The following AFF3 variants were observed in gnomAD, a reference collection of about 807,000 sequenced individuals.
AFF3 encodes the protein AF4/FMR2 family member 3.
Under a neutral mutation model 129.7 loss-of-function variants are expected in AFF3, and 32 were observed. That is an observed-to-expected ratio of 0.25 (90% CI 0.19 to 0.33). The LOEUF (loss-of-function observed/expected upper bound fraction) is 0.33. AFF3 is among the 10% of genes least tolerant of loss of function. The pLI is 1.00. For missense variants in AFF3, 1,373 were observed against 1,592.0 expected (o/e 0.86, Z 2.34); for synonymous variants, 644 against 635.4 (o/e 1.01, Z -0.20).
chr2:99,785,420 T>C (rs1460778398), intron 8 of AFF3, among the ~76,000 whole-genome samples: 1 of 152,108 alleles, frequency 6.6e-6, no homozygotes, highest in African/African-American at 2.4e-5. Flanking sequence ...TATCCAAATC[T>C]CCAAAAATTA....
chr2:100,004,144 G>A (rs1003623007), intron 7 of AFF3, among the ~76,000 whole-genome samples: 3 of 151,982 alleles, frequency 2.0e-5, no homozygotes, highest in African/African-American at 7.3e-5. Flanking sequence ...TTCACACTGT[G>A]ATAAGTCTTG....
chr2:99,980,229 G>A lies in AFF3; in HGVS notation c.873+26403C>T, dbSNP rs559440164. Among the ~76,000 whole-genome samples the A allele has an allele frequency of 1.1e-4, 16 of 152,276 alleles. No homozygotes were observed. The South Asian group carries it at 2.1e-3, about 20-fold the overall frequency. On this transcript the variant is annotated intron_variant, in intron 7 of 24. Coordinates refer to ENST00000672756, the MANE Select transcript of AFF3 (RefSeq NM_001386135.1). ...ATTTGCCTTTCCCCTGCTGTTCCTC[G>A]ATCTCTTTTCAGCCTCAAAGGCTGT...
intron 7 of AFF3, among the ~76,000 whole-genome samples, chr2:99,946,833 C>G (rs1192271553): frequency 6.6e-6 from 1 of 152,182 alleles, no homozygotes; most frequent in African/African-American, 2.4e-5. Flanking sequence ...TCTGCATCCG[C>G]AATTATATAC....
chr2:99,618,213 C>T (rs1271566459), intron 13 of AFF3, among the ~76,000 whole-genome samples: 1 of 143,082 alleles, frequency 7.0e-6, no homozygotes, highest in Admixed American at 7.1e-5. Flanking sequence ...TGAGAAAATG[C>T]TCATAACATT....
At chr2:99,766,594 T>C (rs1162630096) in intron 8 of AFF3, among the ~76,000 whole-genome samples, 1 of 152,176 alleles carries the variant, frequency 6.6e-6, no homozygotes, top group Non-Finnish European at 1.5e-5. Flanking sequence ...AAACTATCCT[T>C]AAGAATAAGA....
At chr2:100,083,947 G>A (rs537056456) in intron 4 of AFF3, among the ~76,000 whole-genome samples, 15 of 152,196 alleles carry the variant, frequency 9.9e-5, no homozygotes, top group South Asian at 2.1e-4. Flanking sequence ...GCTCAGGCTC[G>A]AGATTCCCAG....
intron 4 of AFF3, among the ~76,000 whole-genome samples, chr2:100,036,474 A>T (rs147195447): frequency 6.6e-6 from 1 of 152,336 alleles, no homozygotes; most frequent in East Asian, 1.9e-4. Context: ...CATTTAAAAA[A>T]ATGAATTCCA....
intron 7 of AFF3, among the ~76,000 whole-genome samples, chr2:99,934,415 G>C (rs1377856529): frequency 6.6e-6 from 1 of 152,148 alleles, no homozygotes; most frequent in Non-Finnish European, 1.5e-5. Flanking sequence ...CATGTATAGA[G>C]CTATAAAGGG....
rs543842992 is a variant in AFF3, at chr2:99,918,377, C to G, written c.874-80853G>C. On this transcript the variant is annotated intron_variant, in intron 7 of 24. Coordinates refer to ENST00000672756, the MANE Select transcript of AFF3 (RefSeq NM_001386135.1). ...CTTAAACTAGACTAATTCACATCACCTTCTATGTTCTTAAAAACTCTCCTA... is the reference window on the plus strand; with the variant it reads ...CTTAAACTAGACTAATTCACATCACGTTCTATGTTCTTAAAAACTCTCCTA... Among the ~76,000 whole-genome samples, 13 of 152,244 alleles carry G rather than the reference C, an allele frequency of 8.5e-5. No homozygotes were observed. The South Asian group carries it at 2.7e-3, about 32-fold the overall frequency.
intron 13 of AFF3, among the ~76,000 whole-genome samples, chr2:99,610,016 A>G (rs913129457): frequency 1.3e-5 from 2 of 152,150 alleles, no homozygotes; most frequent in African/African-American, 4.8e-5. Flanking sequence ...CGACCTCGTG[A>G]CATTCTTCTT....
At chr2:99,825,885 C>T (rs1688043987) in intron 8 of AFF3, among the ~76,000 whole-genome samples, 1 of 152,120 alleles carries the variant, frequency 6.6e-6, no homozygotes, top group Non-Finnish European at 1.5e-5. Flanking sequence ...CTTGGCAGTC[C>T]TTGGAGAGCT....
chr2:99,908,163 C>A (rs1224602917), intron 7 of AFF3, among the ~76,000 whole-genome samples: 1 of 152,178 alleles, frequency 6.6e-6, no homozygotes, highest in African/African-American at 2.4e-5. Flanking sequence ...TAGTTTTCAA[C>A]TTTTCACTCA....
intron 8 of AFF3, among the ~76,000 whole-genome samples, chr2:99,830,449 C>T (rs534357627): frequency 2.9e-4 from 44 of 152,222 alleles, no homozygotes; most frequent in Non-Finnish European, 4.7e-4. Flanking sequence ...CCTCCTGCCA[C>T]GAAGTTTAAA....
Position 99,547,751 on chromosome 2 carries a change from C to CAT in AFF3, c.*3721_*3722dup. Reference sequence around the variant, plus strand: ...ACAGTTTTATGTTAGCTGTATTGTACATATATATTTTTAAATGTATGCATT... The same window carrying CAT: ...ACAGTTTTATGTTAGCTGTATTGTACATATATATATTTTTAAATGTATGCATT... On this transcript the variant is annotated 3_prime_UTR_variant, in exon 25 of 25. Coordinates refer to ENST00000672756, the MANE Select transcript of AFF3 (RefSeq NM_001386135.1). 1 of 208,076 alleles carries CAT rather than the reference C, an allele frequency of 4.8e-6. No individual in the cohort carries two copies. Among genetic ancestry groups the CAT allele is most frequent in the South Asian group, 1.9e-4 (1 of 5,296 alleles). The allele number at this position is 208,076 out of a possible 1,614,324, so 12.9% of individuals were successfully genotyped here.
At chr2:99,921,980 T>C (rs1308095469) in intron 7 of AFF3, among the ~76,000 whole-genome samples, 2 of 152,064 alleles carry the variant, frequency 1.3e-5, no homozygotes, top group Admixed American at 1.3e-4. Context: ...CTTTCCTATG[T>C]AGGAAATACA....
chr2:99,834,112 A>G (rs1176102301), intron 8 of AFF3, among the ~76,000 whole-genome samples: 1 of 152,206 alleles, frequency 6.6e-6, no homozygotes, highest in Non-Finnish European at 1.5e-5. Context: ...TCCGAATCAT[A>G]AACAGGTAGA....
chr2:100,055,937 G>A lies in AFF3; in HGVS notation c.54-47005C>T, dbSNP rs116818148. ...CTGTAATCCCAGAGCTTTCAGAGTC[G>A]GAGAAGGAAGGACTGCTTGAGGCCA... On this transcript the variant is annotated intron_variant, in intron 4 of 24. Coordinates refer to ENST00000672756, the MANE Select transcript of AFF3 (RefSeq NM_001386135.1). Among the ~76,000 whole-genome samples the A allele has an allele frequency of 6.1e-3, 923 of 151,882 alleles. 8 individuals carry two copies. Among genetic ancestry groups the A allele is most frequent in the African/African-American group, 0.021 (882 of 41,418 alleles).
chr2:99,600,913 T>C (rs371785454), intron 14 of AFF3, among the ~76,000 whole-genome samples: 33 of 152,348 alleles, frequency 2.2e-4, no homozygotes, highest in African/African-American at 7.7e-4. Flanking sequence ...TGCTAATTTT[T>C]CTTTTTCTAT....
chr2:100,075,308 A>T (rs1688501763), intron 4 of AFF3, among the ~76,000 whole-genome samples: 1 of 152,178 alleles, frequency 6.6e-6, no homozygotes, highest in Admixed American at 6.5e-5. Flanking sequence ...CAGTGTCTTC[A>T]TTTAGCAAAG....
Sources: gnomAD v4.1 joint callset for allele counts (sites outside exome capture counted in the v4.1 genomes callset) on GRCh38, gnomAD v4.1.1 for gene constraint, MANE v1.5 for transcripts, NCBI Gene and HGNC (gene_info 2026-07-23, HGNC 2026-07-21) for gene names.